RFK: variants seen among roughly 807,000 people sequenced by gnomAD.
RFK encodes the protein 0610038L10Rik.
Under a neutral mutation model 17.6 loss-of-function variants are expected in RFK, and 4 were observed. The observed-to-expected ratio is 0.23, with a 90% CI of 0.11 to 0.52. The LOEUF is 0.52. RFK is among the 20% of genes least tolerant of loss of function. RFK has a pLI of 0.96. For missense variants in RFK, 189 were observed against 187.7 expected (o/e 1.01, Z -0.04); for synonymous variants, 59 against 63.8 (o/e 0.92, Z 0.36).
rs2131552296 is a variant in RFK at position 76,385,662 on chromosome 9, A to T, written c.*1737T>A. ...ACAATTAACCCCTAAACAACACACT[A>T]TCTGATTCTCAAAAGCAATGGCTAT... is the stretch of plus-strand genomic sequence containing the variant. On this transcript the variant is annotated 3_prime_UTR_variant, in exon 4 of 4. Coordinates refer to ENST00000376736, the MANE Select transcript of RFK (RefSeq NM_018339.6). 1 of 152,328 alleles carries T rather than the reference A, an allele frequency of 6.6e-6. No individual in the cohort carries two copies. The highest frequency in any genetic ancestry group is 1.9e-4 in the East Asian group (1 of 5,194). 9.4% of individuals were successfully genotyped at this position (152,328 alleles called of 1,614,324 possible).
At position 76,387,241 on chromosome 9, in the gene RFK, T is replaced by C. The variant is rs1411411401; in HGVS notation, c.*158A>G. The C allele has an allele frequency of 3.2e-6, 2 of 624,452 alleles. No individual in the cohort carries two copies. Among genetic ancestry groups the C allele is most frequent in the Non-Finnish European group, 5.5e-6 (2 of 365,084 alleles). The allele number at this position is 624,452 out of a possible 1,614,324, so 38.7% of individuals were successfully genotyped here. On this transcript the variant is annotated 3_prime_UTR_variant, in exon 4 of 4. Transcript: ENST00000376736. ...CTATGATATGATGGGCTTAATTTAA[T>C]AGTTGAAGCATGATATGATAACAAC...
chr9:76,389,469 T>C (rs373841458), intron 2 of RFK, among the ~76,000 whole-genome samples: 83 of 152,282 alleles, frequency 5.5e-4, no homozygotes, highest in African/African-American at 1.9e-3. Flanking sequence ...AACTAAGATA[T>C]GTAAGACTGG....
chr9:76,388,007 A>C (rs1213227518), intron 3 of RFK: 1 of 278,890 alleles, frequency 3.6e-6, no homozygotes, highest in Non-Finnish European at 7.0e-6. Flanking sequence ...CAAACAAACA[A>C]ACAAACAAAG....
chr9:76,386,353 A>G lies in RFK; in HGVS notation c.*1046T>C, dbSNP rs1175207419. The G allele has an allele frequency of 3.3e-5, 5 of 152,176 alleles. No individual in the cohort carries two copies. Among genetic ancestry groups the G allele is most frequent in the Non-Finnish European group, 7.3e-5 (5 of 68,036 alleles). 9.4% of individuals were successfully genotyped at this position (152,176 alleles called of 1,614,324 possible). A position where few individuals can be genotyped will look rare whatever the true frequency, so the allele number is the denominator to read the frequency against. ...ATATAATTTCAAGGCCTTAAATATT[A>G]AAAATAATTTTATAACTATTTCATA... On this transcript the variant is annotated 3_prime_UTR_variant, in exon 4 of 4. Transcript: ENST00000376736.
Position 76,394,251 on chromosome 9 carries a change from C to A in RFK, c.-80G>T. Reference sequence around the variant, plus strand: ...CGCCGTCGACGCGGCGCCCAGACCCCGGACCAGCCGGGGGACAGGAGCGTG... The same window carrying A: ...CGCCGTCGACGCGGCGCCCAGACCCAGGACCAGCCGGGGGACAGGAGCGTG... On this transcript the variant is annotated 5_prime_UTR_variant, in exon 1 of 4. Transcript: ENST00000376736. The A allele has an allele frequency of 7.0e-7, 1 of 1,420,934 alleles. No individual in the cohort carries two copies. The highest frequency in any genetic ancestry group is 1.3e-5 in the South Asian group (1 of 78,248). 88.0% of individuals were successfully genotyped at this position (1,420,934 alleles called of 1,614,324 possible). A position where few individuals can be genotyped will look rare whatever the true frequency, so the allele number is the denominator to read the frequency against.
At position 76,387,060 on chromosome 9, in the gene RFK, T is replaced by C. The variant is rs1822743463; in HGVS notation, c.*339A>G. On this transcript the variant is annotated 3_prime_UTR_variant, in exon 4 of 4. Coordinates refer to ENST00000376736, the MANE Select transcript of RFK (RefSeq NM_018339.6). Reference sequence around the variant, plus strand: ...TAGAAGTACACACTACACAAGTACATACATGCTGGCATTTTACCATGAAAA... The same window carrying C: ...TAGAAGTACACACTACACAAGTACACACATGCTGGCATTTTACCATGAAAA... 1.5e-5 allele frequency: 3 copies of C among 195,640 alleles called. No homozygotes were observed. The South Asian group carries it at 2.7e-4, about 18-fold the overall frequency. 12.1% of individuals were successfully genotyped at this position (195,640 alleles called of 1,614,324 possible). A position where few individuals can be genotyped will look rare whatever the true frequency, so the allele number is the denominator to read the frequency against.
Position 76,391,296 on chromosome 9 carries a change from C to A in RFK, c.234+1122G>T, listed in dbSNP as rs537621023. 3.3e-5 allele frequency among the ~76,000 whole-genome samples: 5 copies of A among 152,358 alleles called. No homozygotes were observed. The South Asian group carries it at 1.0e-3, about 32-fold the overall frequency. On this transcript the variant is annotated intron_variant, in intron 2 of 3. Coordinates refer to ENST00000376736, the MANE Select transcript of RFK (RefSeq NM_018339.6). ...CCACACAGAACAAAATTTAGCTTCA[C>A]TGTAATTTGTTTTTGCCACACATTT...
chr9:76,391,470 C>G (rs1332930766), intron 2 of RFK, among the ~76,000 whole-genome samples: 1 of 152,194 alleles, frequency 6.6e-6, no homozygotes, highest in African/African-American at 2.4e-5. Flanking sequence ...AAGCACCATC[C>G]TCCATCCACC....
intron 1 of RFK, chr9:76,393,645 C>A: frequency 3.5e-5 from 6 of 169,106 alleles, no homozygotes; most frequent in South Asian, 1.6e-4. Flanking sequence ...AGAAGGTTAG[C>A]TGACTCTCAT....
At chr9:76,392,169 T>C (rs1822827078) in intron 2 of RFK, among the ~76,000 whole-genome samples, 1 of 151,990 alleles carries the variant, frequency 6.6e-6, no homozygotes, top group Non-Finnish European at 1.5e-5. Context: ...ATAGAGGAAA[T>C]GAGGGACATA....
intron 2 of RFK, among the ~76,000 whole-genome samples, chr9:76,390,557 G>A (rs909149687): frequency 2.0e-5 from 3 of 152,008 alleles, no homozygotes; most frequent in Non-Finnish European, 4.4e-5. Context: ...CTAGCTACTC[G>A]GGAGGCTGTG....
At chr9:76,393,969 A>C in intron 1 of RFK, 121 bp downstream of exon 1, 1 of 842,156 alleles carries the variant, frequency 1.2e-6, no homozygotes, top group Non-Finnish European at 1.8e-6. Context: ...CGGGAGGAGG[A>C]AGGGTGTGCT....
chr9:76,388,609 G>C lies in RFK; in HGVS notation c.282C>G (p.Ile94Met). 2 of 1,612,632 alleles carry C rather than the reference G, an allele frequency of 1.2e-6. No homozygotes were observed. The highest frequency in any genetic ancestry group is 1.7e-6 in the Non-Finnish European group (2 of 1,178,714). Residue 94 changes from isoleucine to methionine, a missense_variant, in exon 3 of 4, where the codon ATC becomes ATG. Transcript: ENST00000376736. ...HTFKEDFYGE[I>M]LNVAIVGYLR... ...GGTAGCCAACAATGGCCACATTGAG[G>C]ATTTCCCCATAGAAGTCCTCTTTGA...
chr9:76,394,199 C>A lies in RFK; in HGVS notation c.-28G>T. The stretch of plus-strand genomic sequence containing the variant: ...TGCAGTCCGCTCGGGGAATGGGCTG[C>A]GGCCCGGTCTGCGCGTCCTGCGGAG... On this transcript the variant is annotated 5_prime_UTR_variant, in exon 1 of 4. Coordinates refer to ENST00000376736, the MANE Select transcript of RFK (RefSeq NM_018339.6). 1 of 1,561,426 alleles carries A rather than the reference C, an allele frequency of 6.4e-7. No homozygotes were observed. The highest frequency in any genetic ancestry group is 1.2e-5 in the South Asian group (1 of 84,706).
intron 1 of RFK, chr9:76,393,638 A>T (rs1822848511): frequency 6.0e-6 from 1 of 166,040 alleles, no homozygotes. Context: ...CAGACCAAGA[A>T]GGTTAGCTGA....
chr9:76,392,870 C>T (rs11144872), intron 1 of RFK, among the ~76,000 whole-genome samples: 2,471 of 152,308 alleles, frequency 0.016, 60 homozygotes, highest in African/African-American at 0.056. Context: ...TACCACTGCA[C>T]TCCAGCCTGA....
chr9:76,392,311 A>G, intron 2 of RFK, 107 bp downstream of exon 2: 6 of 1,135,024 alleles, frequency 5.3e-6, no homozygotes, highest in Non-Finnish European at 7.5e-6. Flanking sequence ...CAGTATTTGA[A>G]CTACGTTGTG....
chr9:76,393,726 T>C (rs1181710713), intron 1 of RFK: 2 of 318,924 alleles, frequency 6.3e-6, no homozygotes, highest in African/African-American at 4.3e-5. Context: ...TAGACCCGGC[T>C]TGCGAGTTCA....
rs1441406029 is a variant in RFK at position 76,392,506 on chromosome 9, C to A, written c.146G>T (p.Gly49Val). Reference protein sequence around the residue: ...PADISTGIYYGWASVGSGDVH... With the variant: ...PADISTGIYYVWASVGSGDVH... ...ATCTCCACTTCCAACACTGGCCCAA[C>A]CATAGTAAATACCAGTGGATATATC... The change falls in exon 2 of 4, where the codon GGT becomes GTT. Residue 49 changes from glycine (G) to valine (V), a missense_variant. Transcript: ENST00000376736. 2 of 1,614,158 alleles carry A rather than the reference C, an allele frequency of 1.2e-6. No individual in the cohort carries two copies. The highest frequency in any genetic ancestry group is 1.7e-6 in the Non-Finnish European group (2 of 1,179,978).
Sources: gnomAD v4.1 joint callset for allele counts (sites outside exome capture counted in the v4.1 genomes callset) on GRCh38, gnomAD v4.1.1 for gene constraint, MANE v1.5 for transcripts, NCBI Gene and HGNC (gene_info 2026-07-23, HGNC 2026-07-21) for gene names.